Variants in CFH observed in about 807,000 individuals in gnomAD.
The protein encoded by CFH is H factor 1 (complement).
Under a neutral mutation model 147.3 loss-of-function variants are expected in CFH, and 53 were observed. The ratio of observed to expected loss-of-function variants is 0.36; its 90% CI spans 0.29 to 0.45. The LOEUF is 0.45. Ranked by LOEUF, CFH falls within the 20% of genes least tolerant of loss-of-function variation. CFH has a pLI of 1.00. For synonymous variants in CFH, 536 were observed against 489.4 expected, an observed-to-expected ratio of 1.10 and a Z score of -1.26; for missense variants, 1,380 against 1,498.0, an observed-to-expected ratio of 0.92 and a Z score of 1.30.
chr1:196,681,691 T>C (rs1286085128), intron 6 of CFH, among the ~76,000 whole-genome samples: 2 of 151,782 alleles, frequency 1.3e-5, no homozygotes, highest in Admixed American at 6.6e-5. Flanking sequence ...ATAATCGATA[T>C]AAATAAAGGA....
intron 17 of CFH, among the ~76,000 whole-genome samples, chr1:196,740,043 T>A (rs182190908): frequency 6.6e-6 from 1 of 152,110 alleles, no homozygotes; most frequent in African/African-American, 2.4e-5. Context: ...TATAAAACCA[T>A]CAGATCTCAG....
chr1:196,670,869 G>T (rs932686973), intron 1 of CFH, among the ~76,000 whole-genome samples: 2 of 152,016 alleles, frequency 1.3e-5, no homozygotes, highest in Non-Finnish European at 2.9e-5. Flanking sequence ...TTGAGCTATT[G>T]TTTCTTCAAA....
At position 196,677,630 on chromosome 1, in the gene CFH, C is replaced by A. The variant is rs573136624; in HGVS notation, c.582C>A (p.Asp194Glu). Residue 194 changes from aspartate to glutamate, a missense_variant, in exon 5 of 22, where the codon GAC becomes GAA. Around this residue, in one of 4 missense-constraint regions of CFH, gnomAD observed 260 missense variants for 263.3 expected, o/e 0.99. Coordinates refer to ENST00000367429, the MANE Select transcript of CFH (RefSeq NM_000186.4). ...GAGATGAAGAAATGCATTGTTCAGA[C>A]GATGGTTTTTGGAGTAAAGAGAAAC... ...IEGDEEMHCS[D>E]DGFWSKEKPK... is the part of the protein sequence containing the mutation. 1.2e-6 allele frequency: 2 copies of A among 1,612,786 alleles called. No individual in the cohort carries two copies. Among genetic ancestry groups the A allele is most frequent in the Non-Finnish European group, 1.7e-6 (2 of 1,179,250 alleles).
At chr1:196,715,464 A>G in intron 10 of CFH, 129 bp from the exon 11 acceptor site, 2 of 704,496 alleles carry the variant, frequency 2.8e-6, no homozygotes, top group Non-Finnish European at 4.9e-6. Flanking sequence ...CCAGTCATAG[A>G]TTATTTTTGT....
intron 21 of CFH, 113 bp from the exon 22 acceptor site, chr1:196,746,998 T>C: frequency 6.5e-7 from 1 of 1,545,956 alleles, no homozygotes. Flanking sequence ...GTTTGGATAG[T>C]GTTTTGAGAA....
At chr1:196,685,347 G>T in intron 7 of CFH, 110 bp downstream of exon 7, 2 of 1,148,326 alleles carry the variant, frequency 1.7e-6, no homozygotes, top group Non-Finnish European at 1.3e-6. Flanking sequence ...TATATACAAA[G>T]TAAGGCTGTT....
chr1:196,715,301 T>C (rs1668842150), intron 10 of CFH, among the ~76,000 whole-genome samples: 1 of 152,102 alleles, frequency 6.6e-6, no homozygotes, highest in Non-Finnish European at 1.5e-5. Context: ...TAATGGCCTG[T>C]TTTATTACTA....
chr1:196,739,381 C>T (rs574158100), intron 17 of CFH, among the ~76,000 whole-genome samples: 6 of 152,278 alleles, frequency 3.9e-5, no homozygotes, highest in African/African-American at 1.4e-4. Context: ...TTATGCTCTG[C>T]TTCCTCTTGA....
intron 6 of CFH, among the ~76,000 whole-genome samples, chr1:196,680,559 G>A (rs1228548251): frequency 6.6e-6 from 1 of 151,828 alleles, no homozygotes; most frequent in Non-Finnish European, 1.5e-5. Context: ...GCTATAGTGT[G>A]GTGATAACAG....
At chr1:196,662,943 A>G (rs1666958547) in intron 1 of CFH, among the ~76,000 whole-genome samples, 1 of 151,866 alleles carries the variant, frequency 6.6e-6, no homozygotes, top group Admixed American at 6.6e-5. Context: ...TGTATATAGA[A>G]TTCTATATAG....
intron 3 of CFH, among the ~76,000 whole-genome samples, chr1:196,674,770 C>T (rs918359839): frequency 1.3e-5 from 2 of 152,064 alleles, no homozygotes; most frequent in African/African-American, 4.8e-5. Flanking sequence ...CCTTTCAAAA[C>T]TCTACCACTT....
intron 6 of CFH, 136 bp downstream of exon 6, chr1:196,679,929 A>G (rs923480274): frequency 6.1e-6 from 5 of 822,518 alleles, no homozygotes; most frequent in Non-Finnish European, 9.6e-6. Context: ...AACATATAGC[A>G]TTTTCTGTGT....
chr1:196,721,793 A>G (rs1368268644), intron 11 of CFH, among the ~76,000 whole-genome samples: 2 of 145,364 alleles, frequency 1.4e-5, no homozygotes, highest in East Asian at 2.1e-4. Context: ...TTCCTTTATC[A>G]TTGTGTAATG....
Position 196,695,163 on chromosome 1 carries a change from C to A in CFH, c.1336+4924C>A, listed in dbSNP as rs1668207877. Among the ~76,000 whole-genome samples the A allele has an allele frequency of 2.0e-5, 3 of 152,108 alleles. 1 individual carries two copies. Among genetic ancestry groups the A allele is most frequent in the Non-Finnish European group, 4.4e-5 (3 of 68,036 alleles). On this transcript the variant is annotated intron_variant, in intron 9 of 21. Coordinates refer to ENST00000367429, the MANE Select transcript of CFH (RefSeq NM_000186.4). ...AGGTCTTACATTTAAGCCTTTAATA[C>A]ATCATGAGTTAATTTTTATATTAGG...
intron 6 of CFH, among the ~76,000 whole-genome samples, 156 bp from the exon 7 acceptor site, chr1:196,684,908 A>G (rs571651387): frequency 6.6e-5 from 10 of 152,152 alleles, no homozygotes; most frequent in African/African-American, 2.2e-4. Context: ...AAAATAAGTG[A>G]TATACCAGAA....
At chr1:196,717,365 A>G (rs1302781035) in intron 11 of CFH, among the ~76,000 whole-genome samples, 1 of 152,166 alleles carries the variant, frequency 6.6e-6, no homozygotes, top group East Asian at 1.9e-4. Flanking sequence ...ATTTATTGCC[A>G]TAGTGCCTTA....
intron 10 of CFH, among the ~76,000 whole-genome samples, chr1:196,714,916 G>T (rs570224623): frequency 2.0e-5 from 3 of 151,050 alleles, no homozygotes; most frequent in Non-Finnish European, 2.9e-5. Context: ...AGCCAGGCTG[G>T]TCTCGAACTC....
intron 14 of CFH, 92 bp downstream of exon 14, chr1:196,727,032 A>T: frequency 1.8e-6 from 2 of 1,130,974 alleles, no homozygotes; most frequent in Admixed American, 3.6e-5. Flanking sequence ...AAATTTACAG[A>T]TATGCCTCAA....
intron 15 of CFH, among the ~76,000 whole-genome samples, chr1:196,732,505 T>C (rs1669303223): frequency 6.6e-6 from 1 of 152,026 alleles, no homozygotes; most frequent in Non-Finnish European, 1.5e-5. Context: ...CTTGTTCTTT[T>C]GTTTGGAGTT....
Sources: gnomAD v4.1 joint callset for allele counts (sites outside exome capture counted in the v4.1 genomes callset) on GRCh38, gnomAD v4.1.1 for gene constraint, gnomAD v4.1.1 regional missense constraint, MANE v1.5 for transcripts, NCBI Gene and HGNC (gene_info 2026-07-23, HGNC 2026-07-21) for gene names.